CASP6: variants seen among roughly 807,000 people sequenced by gnomAD.
CASP6 encodes the protein caspase 6, also known as caspase-6.
In CASP6, 20 loss-of-function variants were observed where a neutral mutation model predicts 31.8. The observed-to-expected ratio is 0.63, with a 90% CI of 0.44 to 0.91. The LOEUF (loss-of-function observed/expected upper bound fraction) is 0.91. CASP6 is among the 40% of genes least tolerant of loss of function. The pLI, the probability that CASP6 is intolerant of heterozygous loss-of-function variation, is 0.00. For missense variants in CASP6, 328 were observed against 361.1 expected, an observed-to-expected ratio of 0.91 and a Z score of 0.74; for synonymous variants, 130 against 127.8, an observed-to-expected ratio of 1.02 and a Z score of -0.12.
At chr4:109,687,558 A>C (rs1240503953), downstream of CASP6, 2 of 1,612,452 alleles carry the variant, frequency 1.2e-6, no homozygotes, top group Admixed American at 3.3e-5. Flanking sequence ...CTCTGTTTGC[A>C]AATGCAAGTA....
At chr4:109,705,991 AAAAAAAAAAAATATATAT>A (rs1217821116), upstream of CASP6, among the ~76,000 whole-genome samples, 5 of 68,728 alleles carry the variant, frequency 7.3e-5, no homozygotes, top group African/African-American at 2.3e-4. Flanking sequence ...AAAAAAAAAA[AAAAAAAAAAAATATATAT>A]ATATATATAT....
the CASP6 span, among the ~76,000 whole-genome samples, chr4:109,675,700 T>C: frequency 4.6e-5 from 7 of 152,196 alleles, no homozygotes; most frequent in African/African-American, 1.7e-4. Flanking sequence ...TGGGAGGTGT[T>C]TGGCTCATGG....
chr4:109,705,662 GA>G (rs1008308664), upstream of CASP6, among the ~76,000 whole-genome samples: 5 of 151,444 alleles, frequency 3.3e-5, no homozygotes, highest in Non-Finnish European at 4.4e-5. Flanking sequence ...ACTAGAGGGG[GA>G]AAAAAAGAAA....
At chr4:109,682,409 C>G in the CASP6 span, among the ~76,000 whole-genome samples, 4 of 151,892 alleles carry the variant, frequency 2.6e-5, no homozygotes, top group African/African-American at 9.7e-5. Flanking sequence ...GAAAAGTACA[C>G]TTGAACTGCT....
At chr4:109,665,545 A>C in the CASP6 span, among the ~76,000 whole-genome samples, 41 of 152,310 alleles carry the variant, frequency 2.7e-4, no homozygotes, top group African/African-American at 9.6e-4. Context: ...AATGTTTGTT[A>C]TATTTGCATT....
the CASP6 span, among the ~76,000 whole-genome samples, chr4:109,664,906 A>G: frequency 6.6e-6 from 1 of 151,942 alleles, no homozygotes; most frequent in African/African-American, 2.4e-5. Flanking sequence ...AAAATCAAGA[A>G]TTCAAGTATA....
chr4:109,703,507 GCGT>G, upstream of CASP6: 1 of 1,395,278 alleles, frequency 7.2e-7, no homozygotes, highest in Non-Finnish European at 9.8e-7. Context: ...CTGCCCCCGA[GCGT>G]GGGGCCAGTT....
At chr4:109,691,775 A>T (rs1730063655) in intron 5 of CASP6, among the ~76,000 whole-genome samples, 1 of 152,178 alleles carries the variant, frequency 6.6e-6, no homozygotes, top group Non-Finnish European at 1.5e-5. Flanking sequence ...TACGGGTGAA[A>T]CCAAATCCAA....
the CASP6 span, among the ~76,000 whole-genome samples, chr4:109,709,763 T>C: frequency 2.6e-4 from 40 of 152,330 alleles, 1 homozygote; most frequent in Middle Eastern, 6.8e-3. Context: ...CTTAAAAATT[T>C]TGGTCACTGA....
At chr4:109,695,728 G>A (rs190810859) in intron 4 of CASP6, among the ~76,000 whole-genome samples, 292 of 134,488 alleles carry the variant, frequency 2.2e-3, no homozygotes, top group Non-Finnish European at 2.6e-3. Context: ...GGCGGACAGC[G>A]AGACTCCATC....
the CASP6 span, among the ~76,000 whole-genome samples, chr4:109,668,297 T>A: frequency 1.3e-5 from 2 of 152,184 alleles, no homozygotes; most frequent in African/African-American, 4.8e-5. Context: ...GTTTTTGTTT[T>A]GCCTCATGTA....
At chr4:109,705,997 AAAAAAT>A (rs1396977825), upstream of CASP6, among the ~76,000 whole-genome samples, 2 of 47,438 alleles carry the variant, frequency 4.2e-5, no homozygotes, top group African/African-American at 1.1e-4. Flanking sequence ...AAAAAAAAAA[AAAAAAT>A]ATATATATAT....
At chr4:109,702,326 C>CT (rs377758495) in intron 1 of CASP6, among the ~76,000 whole-genome samples, 2,227 of 146,564 alleles carry the variant, frequency 0.015, 50 homozygotes, top group East Asian at 0.068. Flanking sequence ...GCGTTTCGTT[C>CT]TTTTTTTTTT....
At chr4:109,676,074 G>T in the CASP6 span, among the ~76,000 whole-genome samples, 1 of 152,222 alleles carries the variant, frequency 6.6e-6, no homozygotes, top group Non-Finnish European at 1.5e-5. Flanking sequence ...TTGGAATTTG[G>T]TAATGGGCAA....
At chr4:109,697,941 T>C (rs1730301957) in intron 2 of CASP6, among the ~76,000 whole-genome samples, 173 bp from the exon 3 acceptor site, 1 of 152,198 alleles carries the variant, frequency 6.6e-6, no homozygotes, top group Non-Finnish European at 1.5e-5. Flanking sequence ...GAAATATCTC[T>C]CTGCCAATTG....
At chr4:109,705,602 T>C (rs1730576317), upstream of CASP6, among the ~76,000 whole-genome samples, 1 of 152,104 alleles carries the variant, frequency 6.6e-6, no homozygotes, top group South Asian at 2.1e-4. Context: ...ATTAAGAACA[T>C]TTGTGATTCA....
At chr4:109,664,421 A>C in the CASP6 span, 1 of 745,450 alleles carries the variant, frequency 1.3e-6, no homozygotes. Flanking sequence ...TCCAACTATT[A>C]CTTTTTTTTT....
At chr4:109,693,051 T>A (rs189855514) in intron 5 of CASP6, among the ~76,000 whole-genome samples, 88 of 152,226 alleles carry the variant, frequency 5.8e-4, no homozygotes, top group African/African-American at 2.0e-3. Context: ...GTAAGTGAGC[T>A]CCCACTCAGT....
chr4:109,693,808 G>C (rs1041930164), intron 5 of CASP6, among the ~76,000 whole-genome samples: 1 of 150,526 alleles, frequency 6.6e-6, no homozygotes, highest in Non-Finnish European at 1.5e-5. Context: ...GTATGCTCTC[G>C]GCTAACTACA....
Sources: allele counts gnomAD v4.1 joint callset (sites outside exome capture counted in the v4.1 genomes callset), GRCh38; gene constraint gnomAD v4.1.1; transcripts MANE v1.5; gene names NCBI Gene and HGNC (gene_info 2026-07-23, HGNC 2026-07-21).